DQX1: variants seen among roughly 807,000 people sequenced by gnomAD.
The protein encoded by DQX1 is DEAQ-box RNA dependent ATPase 1.
Under a neutral mutation model 81.3 loss-of-function variants are expected in DQX1, and 66 were observed. The observed-to-expected ratio is 0.81, with a 90% CI of 0.67 to 1.00. The LOEUF is 1.00. Among genes scored for constraint, DQX1 ranks in the 50% least tolerant of loss-of-function variants. The probability of loss-of-function intolerance (pLI) is 0.00; values close to 1 mark genes in which losing one functional copy is unlikely to be tolerated. For synonymous variants in DQX1, 290 were observed against 350.0 expected (o/e 0.83, Z 1.91); for missense variants, 798 against 867.9 (o/e 0.92, Z 1.01).
chr2:74,519,230 C>T lies in DQX1; in HGVS notation c.1807G>A (p.Val603Met), dbSNP rs1367572596. ...KALVSGYFLK[V>M]ARDTDGTGNY... ...CCAGTCCCGTCTGTGTCTCTGGCCA[C>T]CTTATTGAAAGGCAGAAATATTGAC... Residue 603 changes from valine to methionine, a missense_variant and splice_region_variant, in exon 11 of 12, where the codon GTG becomes ATG. By Grantham distance (21) the Val-to-Met change is conservative (BLOSUM62 1). Transcript: ENST00000404568. 1.9e-6 allele frequency: 3 copies of T among 1,547,308 alleles called. No homozygotes were observed. Among genetic ancestry groups the T allele is most frequent in the East Asian group, 2.3e-5 (1 of 43,944 alleles).
chr2:74,525,064 C>G lies in DQX1; in HGVS notation c.376G>C (p.Glu126Gln), dbSNP rs1675136053. Residue 126 changes from glutamate to glutamine, a missense_variant, in exon 3 of 12, where the codon GAG becomes CAG. By Grantham distance (29) the Glu-to-Gln change is conservative. Coordinates refer to ENST00000404568, the MANE Select transcript of DQX1 (RefSeq NM_133637.3). The surrounding 1 kb of genome is among the most constrained non-coding windows in gnomAD (Gnocchi z 4.1). ...TCCTGGGGGATGCTGTATCCAACCT[C>G]ATGACCCAGGGTCAGGTCCATCTCA... ...ADEMDLTLGH[E>Q]VGYSIPQEDC... 1 of 1,614,144 alleles carries G rather than the reference C, an allele frequency of 6.2e-7. No homozygotes were observed. The highest frequency in any genetic ancestry group is 1.3e-5 in the African/African-American group (1 of 75,042).
At chr2:74,521,910 G>A (rs977095961) in intron 8 of DQX1, among the ~76,000 whole-genome samples, 2 of 152,164 alleles carry the variant, frequency 1.3e-5, no homozygotes, top group African/African-American at 4.8e-5. Context: ...GCTAAAGGTA[G>A]CACTTCAAAC....
chr2:74,524,851 C>T (rs1675129368), intron 3 of DQX1, among the ~76,000 whole-genome samples, 158 bp downstream of exon 3: 2 of 152,098 alleles, frequency 1.3e-5, no homozygotes, highest in African/African-American at 4.8e-5. Context: ...CCACTGCACT[C>T]CAGCCTGGGT....
At chr2:74,523,584 T>TG in intron 4 of DQX1, 47 bp from the exon 5 acceptor site, 1 of 1,566,964 alleles carries the variant, frequency 6.4e-7, no homozygotes, top group Admixed American at 1.7e-5. Context: ...TCACGTTTTT[T>TG]GGGGTCACAG....
chr2:74,519,419 C>G, intron 10 of DQX1, 137 bp downstream of exon 10: 1 of 1,365,084 alleles, frequency 7.3e-7, no homozygotes. Flanking sequence ...CTCAAATCCT[C>G]AAGGGAAAAG....
chr2:74,518,945 C>T, intron 11 of DQX1, 95 bp downstream of exon 11: 2 of 1,281,502 alleles, frequency 1.6e-6, no homozygotes, highest in Non-Finnish European at 2.1e-6. Flanking sequence ...TTACTAACCA[C>T]TAAGATCCCT....
At chr2:74,521,364 CA>C (rs1675017924) in intron 8 of DQX1, among the ~76,000 whole-genome samples, 1 of 152,094 alleles carries the variant, frequency 6.6e-6, no homozygotes, top group Admixed American at 6.5e-5. Flanking sequence ...AAATGTCCAT[CA>C]GGGGCTGGGT....
intron 3 of DQX1, 143 bp from the exon 4 acceptor site, chr2:74,524,450 A>T: frequency 8.3e-7 from 1 of 1,201,634 alleles, no homozygotes; most frequent in Non-Finnish European, 1.1e-6. Context: ...CTATGGACCC[A>T]TAACTGTCAC....
chr2:74,520,145 A>G (rs1674989330), intron 8 of DQX1, 111 bp from the exon 9 acceptor site: 2 of 1,385,878 alleles, frequency 1.4e-6, no homozygotes, highest in East Asian at 4.7e-5. Context: ...ACTTTATTCA[A>G]AAGACATAGA....
At chr2:74,520,496 G>A (rs997394192) in intron 8 of DQX1, among the ~76,000 whole-genome samples, 7 of 152,150 alleles carry the variant, frequency 4.6e-5, no homozygotes, top group African/African-American at 1.4e-4. Flanking sequence ...AGCATATTTG[G>A]GGAACTGCAA....
In DQX1 at chr2:74,525,220, A is replaced by T. The variant is rs1056743859; in HGVS notation, c.238-18T>A. The T allele has an allele frequency of 1.3e-6, 2 of 1,514,188 alleles. No homozygotes were observed. Among genetic ancestry groups the T allele is most frequent in the Non-Finnish European group, 8.9e-7 (1 of 1,126,582 alleles). The allele number at this position is 1,514,188 out of a possible 1,614,324, so 93.8% of individuals were successfully genotyped here. A position where few individuals can be genotyped will look rare whatever the true frequency, so the allele number is the denominator to read the frequency against. On this transcript the variant is annotated intron_variant, in intron 2 of 11. Transcript: ENST00000404568. This position sits in a 1 kb window ranked among gnomAD's most constrained non-coding sequence, Gnocchi z 4.1. ...TGAGGGATCTGGGATAGAAGTAGGG[A>T]AGGAGAGCCAGTGAGGAAGATGTAG...
chr2:74,518,494 G>C lies in DQX1; in HGVS notation c.2106C>G (p.Ser702Arg). The C allele has an allele frequency of 6.2e-7, 1 of 1,614,230 alleles. No homozygotes were observed. Residue 702 changes from serine to arginine, a missense_variant, in exon 12 of 12, where the codon AGC (serine) becomes AGG (arginine). Physicochemically the swap from Ser to Arg is moderately radical, Grantham distance 110. Coordinates refer to ENST00000404568, the MANE Select transcript of DQX1 (RefSeq NM_133637.3). Reference protein sequence around the residue: ...REGMADSTAGSKSSSAQEFRD... With the variant: ...REGMADSTAGRKSSSAQEFRD... ...TGAACTCCTGGGCTGAGGATGATTT[G>C]CTCCCTGCTGTAGAATCTGCCATTC...
chr2:74,522,645 G>T lies in DQX1; in HGVS notation c.1430C>A (p.Ala477Asp). Residue 477 changes from alanine (A) to aspartate (D), a missense_variant, in exon 8 of 12, where the codon GCC becomes GAC. Transcript: ENST00000404568. ...GTCAAACTCGCATGAGGCCAGCAGG[G>T]CTTTGGCCAGCTCAGGGGCCAGAGG... The part of the protein sequence containing the change: ...EFPLAPELAK[A>D]LLASCEFDCV... 1 of 1,614,216 alleles carries T rather than the reference G, an allele frequency of 6.2e-7. No homozygotes were observed. Among genetic ancestry groups the T allele is most frequent in the South Asian group, 1.1e-5 (1 of 91,086 alleles).
Position 74,525,150 on chromosome 2 carries a change from T to C in DQX1, c.290A>G (p.Gln97Arg). Residue 97 changes from glutamine to arginine, a missense_variant, in exon 3 of 12, where the codon CAG (glutamine) becomes CGG (arginine). By Grantham distance (43) the Gln-to-Arg change is conservative. Transcript: ENST00000404568. The surrounding 1 kb of genome is among the most constrained non-coding windows in gnomAD (Gnocchi z 4.1). ...AGGGTAGGGCTGAGTAACAGTAACC[T>C]GTCCTTTCTGGAACCCTCTGGCCAG... is the stretch of plus-strand genomic sequence containing the variant. ...FALARGFQKG[Q>R]VTVTQPYPLA... 6.2e-7 allele frequency: 1 copy of C among 1,611,718 alleles called. No individual in the cohort carries two copies. The highest frequency in any genetic ancestry group is 1.1e-5 in the South Asian group (1 of 90,870).
intron 8 of DQX1, among the ~76,000 whole-genome samples, chr2:74,522,341 G>T (rs1331894271): frequency 6.6e-6 from 1 of 152,216 alleles, no homozygotes; most frequent in Non-Finnish European, 1.5e-5. Flanking sequence ...AGGAAGAGGG[G>T]TGTGTGAGTT....
chr2:74,523,121 G>T lies in DQX1; in HGVS notation c.1142C>A (p.Pro381Gln), dbSNP rs1357395888. 1.2e-6 allele frequency: 2 copies of T among 1,614,056 alleles called. No individual in the cohort carries two copies. The highest frequency in any genetic ancestry group is 1.7e-6 in the Non-Finnish European group (2 of 1,180,042). ...ARRLRARGFP[P>Q]GSCLCLYPKS... ...TCAGTGAGGGCAAAGGCTCTTACCTGGTGGGAACCCTCTTGCTCGCAATCG... is the reference window on the plus strand; with the variant it reads ...TCAGTGAGGGCAAAGGCTCTTACCTTGTGGGAACCCTCTTGCTCGCAATCG... Residue 381 changes from proline (P) to glutamine (Q), a missense_variant and splice_region_variant, in exon 6 of 12, where the codon CCA (proline) becomes CAA (glutamine). By Grantham distance (76) the Pro-to-Gln change is moderately conservative. Transcript: ENST00000404568.
Position 74,518,678 on chromosome 2 carries a change from G to A in DQX1, c.1998-76C>T, listed in dbSNP as rs1010551162. On this transcript the variant is annotated intron_variant, in intron 11 of 11. Transcript: ENST00000404568. The stretch of plus-strand genomic sequence containing the variant: ...TCTCTCTTTTTAGAGACAGGGTCTC[G>A]CTCTGTTACCTGGGCTGGAGTTCAG... 5.5e-5 allele frequency: 79 copies of A among 1,446,344 alleles called. No homozygotes were observed. The East Asian group carries it at 5.8e-4, about 11-fold the overall frequency. The allele number at this position is 1,446,344 out of a possible 1,614,324, so 89.6% of individuals were successfully genotyped here.
chr2:74,518,690 G>C, intron 11 of DQX1, 88 bp from the exon 12 acceptor site: 1 of 1,331,116 alleles, frequency 7.5e-7, no homozygotes, highest in Non-Finnish European at 1.0e-6. Context: ...TCTGTTACCT[G>C]GGCTGGAGTT....
At position 74,525,245 on chromosome 2, in the gene DQX1, G is replaced by C. The variant is rs1257230694; in HGVS notation, c.238-43C>G. On this transcript the variant is annotated intron_variant, in intron 2 of 11. Coordinates refer to ENST00000404568, the MANE Select transcript of DQX1 (RefSeq NM_133637.3). The surrounding 1 kb of genome is among the most constrained non-coding windows in gnomAD (Gnocchi z 4.1). ...AAGGAGAGCCAGTGAGGAAGATGTA[G>C]GACTTCAGTCAGAAGTGCTCAGGGA... is the stretch of plus-strand genomic sequence containing the variant. 4.0e-6 allele frequency: 6 copies of C among 1,481,900 alleles called. No homozygotes were observed. The highest frequency in any genetic ancestry group is 5.4e-6 in the Non-Finnish European group (6 of 1,109,646). 91.8% of individuals were successfully genotyped at this position (1,481,900 alleles called of 1,614,324 possible). A position where few individuals can be genotyped will look rare whatever the true frequency, so the allele number is the denominator to read the frequency against.
Sources: gnomAD v4.1 joint callset for allele counts (sites outside exome capture counted in the v4.1 genomes callset) on GRCh38, gnomAD v4.1.1 for gene constraint, Gnocchi (gnomAD v3.1) non-coding constraint, MANE v1.5 for transcripts, NCBI Gene and HGNC (gene_info 2026-07-23, HGNC 2026-07-21) for gene names.